The following RGS6 variants were observed in gnomAD, a reference collection of about 807,000 sequenced individuals.
RGS6 encodes the protein regulator of G protein signaling 6.
A neutral mutation model predicts 78.5 loss-of-function variants in RGS6; 30 were observed. The ratio of observed to expected loss-of-function variants is 0.38; its 90% CI spans 0.29 to 0.52. RGS6 has a LOEUF of 0.52. Among genes scored for constraint, RGS6 ranks in the 20% least tolerant of loss-of-function variants. The pLI is 0.85. For missense variants in RGS6, 495 were observed against 609.7 expected, an observed-to-expected ratio of 0.81 and a Z score of 1.98; for synonymous variants, 206 against 206.0, an observed-to-expected ratio of 1.00 and a Z score of 0.00.
intron 1 of RGS6, chr14:71,933,167 C>T (rs1385844872): frequency 2.0e-5 from 3 of 152,308 alleles, no homozygotes; most frequent in African/African-American, 4.8e-5. Flanking sequence ...GGCGTGTGGA[C>T]TTGTGTGGGA....
intron 3 of RGS6, among the ~76,000 whole-genome samples, chr14:72,384,522 A>G (rs1332775158): frequency 6.6e-6 from 1 of 152,178 alleles, no homozygotes; most frequent in Non-Finnish European, 1.5e-5. Context: ...TACTGTTTGC[A>G]TACGTTTCAG....
chr14:72,497,165 C>G (rs1179590207), intron 13 of RGS6, among the ~76,000 whole-genome samples: 1 of 152,166 alleles, frequency 6.6e-6, no homozygotes, highest in African/African-American at 2.4e-5. Flanking sequence ...GGTCCAGATT[C>G]CTCTTGAGCA....
intron 2 of RGS6, among the ~76,000 whole-genome samples, chr14:72,293,768 C>T (rs2152345164): frequency 6.6e-6 from 1 of 152,238 alleles, no homozygotes; most frequent in South Asian, 2.1e-4. Flanking sequence ...ATGGGCTAAG[C>T]CAAGGCCAGT....
intron 1 of RGS6, among the ~76,000 whole-genome samples, chr14:71,952,116 T>C (rs2092377216): frequency 6.6e-6 from 1 of 152,172 alleles, no homozygotes. Context: ...GTATTTGTTT[T>C]TCTTGCCTGT....
chr14:72,212,161 C>T (rs2238238), intron 2 of RGS6, among the ~76,000 whole-genome samples: 22,205 of 152,040 alleles, frequency 0.15, 1,959 homozygotes, highest in East Asian at 0.28. Flanking sequence ...CCGGCAGTAC[C>T]CTCCAGACTC....
At chr14:72,475,793 T>C (rs1363400250) in intron 10 of RGS6, among the ~76,000 whole-genome samples, 1 of 137,226 alleles carries the variant, frequency 7.3e-6, no homozygotes, top group Non-Finnish European at 1.6e-5. Flanking sequence ...GATGACCAAT[T>C]AGCTCTCTCT....
intron 2 of RGS6, among the ~76,000 whole-genome samples, chr14:72,031,646 T>C (rs1268775166): frequency 1.3e-5 from 2 of 152,192 alleles, no homozygotes; most frequent in African/African-American, 4.8e-5. Context: ...CAAAGCAGCA[T>C]AGGAAAATAT....
At chr14:72,402,164 A>C (rs1342407184) in intron 3 of RGS6, among the ~76,000 whole-genome samples, 2 of 152,190 alleles carry the variant, frequency 1.3e-5, no homozygotes, top group East Asian at 3.9e-4. Flanking sequence ...CCAGAAGGCA[A>C]AGAGAGACCC....
At chr14:72,554,267 A>G (rs1036109926) in intron 17 of RGS6, among the ~76,000 whole-genome samples, 1 of 152,244 alleles carries the variant, frequency 6.6e-6, no homozygotes, top group Non-Finnish European at 1.5e-5. Context: ...TTTTGGGTGA[A>G]CACATTTGCA....
intron 2 of RGS6, among the ~76,000 whole-genome samples, chr14:72,158,420 T>C (rs1164598009): frequency 6.6e-6 from 1 of 152,216 alleles, no homozygotes; most frequent in Non-Finnish European, 1.5e-5. Flanking sequence ...TGTGAGATAC[T>C]GGGGTTAGGA....
At chr14:72,149,322 A>G (rs1278169853) in intron 2 of RGS6, among the ~76,000 whole-genome samples, 1 of 152,156 alleles carries the variant, frequency 6.6e-6, no homozygotes, top group Non-Finnish European at 1.5e-5. Context: ...GCCCAGCCAT[A>G]TTCAGGGTAA....
intron 2 of RGS6, among the ~76,000 whole-genome samples, chr14:72,281,914 A>T (rs1319618671): frequency 6.6e-6 from 1 of 152,196 alleles, no homozygotes; most frequent in Non-Finnish European, 1.5e-5. Flanking sequence ...ATAAGACACA[A>T]GGTATTGGAA....
At chr14:71,962,999 T>C (rs1435750306) in intron 1 of RGS6, among the ~76,000 whole-genome samples, 4 of 152,186 alleles carry the variant, frequency 2.6e-5, no homozygotes, top group Non-Finnish European at 5.9e-5. Flanking sequence ...GCCTCTTAGA[T>C]GAGGGATAAC....
At chr14:72,416,693 G>A (rs2093834672) in intron 3 of RGS6, among the ~76,000 whole-genome samples, 1 of 152,144 alleles carries the variant, frequency 6.6e-6, no homozygotes, top group Admixed American at 6.5e-5. Flanking sequence ...TTGCAAACAA[G>A]GAAATGATCC....
intron 17 of RGS6, 155 bp downstream of exon 17, chr14:72,540,249 G>T: frequency 6.5e-7 from 1 of 1,542,096 alleles, no homozygotes; most frequent in South Asian, 1.2e-5. Flanking sequence ...TCTTTTGCGA[G>T]TGTCTGCAGC....
Position 72,348,640 on chromosome 14 carries a change from T to C in RGS6, c.85-3455T>C, listed in dbSNP as rs149855811. On this transcript the variant is annotated intron_variant, in intron 2 of 17. Coordinates refer to ENST00000553525, the MANE Select transcript of RGS6 (RefSeq NM_001204424.2). ...CAACAAAGAAATGGACTACCTGAAA[T>C]AGTATATATAGTCCCTAAGAGTTTT... Among the ~76,000 whole-genome samples, 15 of 152,234 alleles carry C rather than the reference T, an allele frequency of 9.9e-5. 1 individual carries two copies. In the East Asian group the frequency reaches 2.3e-3, roughly 23 times the overall value.
chr14:72,050,446 T>TA lies in RGS6; in HGVS notation c.84+85575dup, dbSNP rs140103519. On this transcript the variant is annotated intron_variant, in intron 2 of 17. Transcript: ENST00000553525. ...GTAAATTAATGCTTATTATAGGTGATAAAATGTAAGGGGGGGATTGAGGTG... is the reference window on the plus strand; with the variant it reads ...GTAAATTAATGCTTATTATAGGTGATAAAAATGTAAGGGGGGGATTGAGGTG... 9.6e-3 allele frequency among the ~76,000 whole-genome samples: 1,468 copies of TA among 152,292 alleles called. 21 individuals carry two copies. Among genetic ancestry groups the TA allele is most frequent in the African/African-American group, 0.033 (1,368 of 41,556 alleles).
chr14:72,249,313 C>T (rs1280723522), intron 2 of RGS6, among the ~76,000 whole-genome samples: 4 of 152,156 alleles, frequency 2.6e-5, no homozygotes, highest in Non-Finnish European at 4.4e-5. Flanking sequence ...TTAAGTAATG[C>T]CTTCTGCATT....
chr14:72,391,458 G>T (rs1458928838), intron 3 of RGS6, among the ~76,000 whole-genome samples: 2 of 152,172 alleles, frequency 1.3e-5, no homozygotes, highest in African/African-American at 2.4e-5. Flanking sequence ...TGCCATTGGG[G>T]TGGGCTTTCC....
Sources: allele counts gnomAD v4.1 joint callset (sites outside exome capture counted in the v4.1 genomes callset), GRCh38; gene constraint gnomAD v4.1.1; transcripts MANE v1.5; gene names NCBI Gene and HGNC (gene_info 2026-07-23, HGNC 2026-07-21).